ARID1B: variants seen among roughly 807,000 people sequenced by gnomAD.
ARID1B encodes AT-rich interactive domain-containing protein 1B.
ARID1B carries 30 observed loss-of-function variants against 212.3 expected under a neutral mutation model. The observed-to-expected ratio is 0.14, with a 90% confidence interval of 0.11 to 0.19. The LOEUF (loss-of-function observed/expected upper bound fraction) is 0.19. ARID1B is among the 10% of genes least tolerant of loss of function. The pLI is 1.00. For missense variants in ARID1B, 2,891 were observed against 3,204.0 expected (o/e 0.90, Z 2.36); for synonymous variants, 1,402 against 1,301.7 (o/e 1.08, Z -1.66).
At chr6:156,902,561 G>A (rs1449249960) in intron 3 of ARID1B, among the ~76,000 whole-genome samples, 2 of 151,936 alleles carry the variant, frequency 1.3e-5, no homozygotes, top group African/African-American at 4.8e-5. Flanking sequence ...GAATTCTAAA[G>A]AGAGTTTATG....
At chr6:157,152,271 T>A (rs1790253619) in intron 8 of ARID1B, 2 of 152,188 alleles carry the variant, frequency 1.3e-5, no homozygotes, top group Admixed American at 1.3e-4. Flanking sequence ...ATGGCATGCA[T>A]CAGAGTGAAA....
At chr6:156,906,626 A>C (rs960630370) in intron 3 of ARID1B, among the ~76,000 whole-genome samples, 1 of 149,006 alleles carries the variant, frequency 6.7e-6, no homozygotes, top group African/African-American at 2.5e-5. Flanking sequence ...TTTTGTCATC[A>C]GCAAGTGGCC....
chr6:157,154,594 T>G (rs376677694), intron 8 of ARID1B, among the ~76,000 whole-genome samples: 4,199 of 146,942 alleles, frequency 0.029, 38 homozygotes, highest in Non-Finnish European at 0.037. Context: ...TTTTTTTTTT[T>G]TTTTGAGTTG....
rs767723824 is a variant in ARID1B, at chr6:156,966,213, T to C, written c.2247+30637T>C. On this transcript the variant is annotated intron_variant, in intron 4 of 19. Coordinates refer to ENST00000636930, the MANE Select transcript of ARID1B (RefSeq NM_001374828.1). ...GAAATTTACATTAAATTCCTATAAG[T>C]GTGCAGATAATACTTCAATGGTATA... 1.1e-4 allele frequency among the ~76,000 whole-genome samples: 17 copies of C among 152,308 alleles called. No homozygotes were observed. In the South Asian group the frequency reaches 1.7e-3, roughly 15 times the overall value.
intron 12 of ARID1B, among the ~76,000 whole-genome samples, chr6:157,182,629 T>C (rs1196540534): frequency 6.9e-6 from 1 of 145,322 alleles, no homozygotes; most frequent in Non-Finnish European, 1.6e-5. Flanking sequence ...GGGGAGGCCT[T>C]CTTTGTGCTT....
In ARID1B at chr6:156,870,870, G is replaced by A. The variant is rs57586934; in HGVS notation, c.1987-30506G>A. On this transcript the variant is annotated intron_variant, in intron 2 of 19. Coordinates refer to ENST00000636930, the MANE Select transcript of ARID1B (RefSeq NM_001374828.1). ...CTAGAATATTTTACCAAACCTCTTT[G>A]TTATTTTGCAGTAATATTTAGTAAT... Among the ~76,000 whole-genome samples the A allele has an allele frequency of 0.024, 3,614 of 152,190 alleles. 258 individuals are homozygous for A. The East Asian group carries it at 0.27, about 11-fold the overall frequency.
chr6:156,944,455 T>C (rs953231219), intron 4 of ARID1B, among the ~76,000 whole-genome samples: 5 of 152,132 alleles, frequency 3.3e-5, no homozygotes, highest in African/African-American at 1.2e-4. Context: ...GTATGATCAG[T>C]TTGGGAGCCG....
At chr6:157,077,391 G>A (rs976085535) in intron 4 of ARID1B, among the ~76,000 whole-genome samples, 2 of 152,134 alleles carry the variant, frequency 1.3e-5, no homozygotes, top group South Asian at 4.1e-4. Context: ...GTAGGCCCCT[G>A]TTCCTTGGCA....
At chr6:156,964,412 A>G (rs1794602042) in intron 4 of ARID1B, among the ~76,000 whole-genome samples, 1 of 152,244 alleles carries the variant, frequency 6.6e-6, no homozygotes. Flanking sequence ...TTTAAAGCCT[A>G]AAATTCTGCT....
At chr6:156,927,854 G>A (rs960177053) in intron 3 of ARID1B, among the ~76,000 whole-genome samples, 4 of 152,220 alleles carry the variant, frequency 2.6e-5, no homozygotes, top group African/African-American at 9.6e-5. Flanking sequence ...AATCCAAGAC[G>A]ATAGCATCCC....
chr6:157,205,962 C>T lies in ARID1B; in HGVS notation c.5395-205C>T, dbSNP rs540513493. The T allele has an allele frequency of 1.8e-4, 111 of 614,682 alleles. 2 individuals are homozygous for T. Among genetic ancestry groups the T allele is most frequent in the South Asian group, 1.4e-3 (69 of 49,586 alleles). 38.1% of individuals were successfully genotyped at this position (614,682 alleles called of 1,614,324 possible). A position where few individuals can be genotyped will look rare whatever the true frequency, so the allele number is the denominator to read the frequency against. ...AGCAAATAAGGAACATGCTAAACAT[C>T]GGTTTAGTTTATACTGTAAAATTCA... On this transcript the variant is annotated intron_variant, in intron 19 of 19. Coordinates refer to ENST00000636930, the MANE Select transcript of ARID1B (RefSeq NM_001374828.1).
chr6:156,794,395 G>A (rs1289298088), intron 1 of ARID1B, among the ~76,000 whole-genome samples: 1 of 151,800 alleles, frequency 6.6e-6, no homozygotes, highest in East Asian at 1.9e-4. Context: ...GACCACAGGC[G>A]CATGCTACAA....
At chr6:157,199,021 GT>G in intron 17 of ARID1B, 114 bp downstream of exon 17, 1 of 887,116 alleles carries the variant, frequency 1.1e-6, no homozygotes, top group Non-Finnish European at 1.7e-6. Context: ...AATGATTAGT[GT>G]TTGTTGAGCA....
intron 4 of ARID1B, among the ~76,000 whole-genome samples, chr6:157,009,873 G>A (rs1490272567): frequency 6.6e-6 from 1 of 152,224 alleles, no homozygotes; most frequent in Non-Finnish European, 1.5e-5. Flanking sequence ...AACACAGGTT[G>A]TCACCTACAC....
At chr6:156,793,794 A>G (rs1780172996) in intron 1 of ARID1B, among the ~76,000 whole-genome samples, 2 of 152,272 alleles carry the variant, frequency 1.3e-5, no homozygotes, top group Non-Finnish European at 2.9e-5. Flanking sequence ...GTTTAGAGAA[A>G]GACTTAGAAG....
At chr6:156,803,623 A>C (rs550610690) in intron 1 of ARID1B, among the ~76,000 whole-genome samples, 3 of 134,056 alleles carry the variant, frequency 2.2e-5, no homozygotes, top group African/African-American at 5.5e-5. Flanking sequence ...CTTTCATTTT[A>C]TCTTTTTCTC....
chr6:156,827,556 A>G (rs1213475588), intron 1 of ARID1B, among the ~76,000 whole-genome samples: 1 of 152,072 alleles, frequency 6.6e-6, no homozygotes. Context: ...GGGCTCACCC[A>G]TGTTCTGGCT....
intron 6 of ARID1B, among the ~76,000 whole-genome samples, chr6:157,125,279 G>C (rs1018053592): frequency 1.3e-5 from 2 of 152,176 alleles, no homozygotes; most frequent in Non-Finnish European, 2.9e-5. Flanking sequence ...AATAAGCCTC[G>C]GGCCTGGCTG....
intron 3 of ARID1B, chr6:156,901,782 A>G (rs1054893090): frequency 1.9e-6 from 1 of 534,186 alleles, no homozygotes; most frequent in Non-Finnish European, 3.3e-6. Context: ...AGTGTCAGTC[A>G]TTGCTTGTTC....
Sources: allele counts gnomAD v4.1 joint callset (sites outside exome capture counted in the v4.1 genomes callset), GRCh38; gene constraint gnomAD v4.1.1; transcripts MANE v1.5; gene names NCBI Gene and HGNC (gene_info 2026-07-23, HGNC 2026-07-21).